SLC44A2: variants seen among roughly 807,000 people sequenced by gnomAD.
SLC44A2 encodes the protein solute carrier family 44 member 2 (CTL2 blood group), also known as choline transporter-like protein 2.
In SLC44A2, 57 loss-of-function variants were observed where a neutral mutation model predicts 90.8. That is an observed-to-expected ratio of 0.63 (90% CI 0.51 to 0.78). The LOEUF is 0.78. SLC44A2 is among the 30% of genes least tolerant of loss of function. SLC44A2 has a pLI of 0.00. For missense variants in SLC44A2, 794 were observed against 919.7 expected (o/e 0.86, Z 1.77); for synonymous variants, 355 against 360.7 (o/e 0.98, Z 0.18).
intron 21 of SLC44A2, chr19:10,642,809 C>G: frequency 6.9e-7 from 1 of 1,446,134 alleles, no homozygotes; most frequent in Admixed American, 2.5e-5. Context: ...TCCATGCCTG[C>G]TGGCTTCCCT....
At chr19:10,628,976 TTGGGAGGCTGAGG>T (rs1471673546) in intron 4 of SLC44A2, among the ~76,000 whole-genome samples, 1 of 151,212 alleles carries the variant, frequency 6.6e-6, no homozygotes, top group Non-Finnish European at 1.5e-5. Flanking sequence ...CCAGCACACT[TTGGGAGGCTGAGG>T]TGGGAGGATC....
In SLC44A2 at chr19:10,643,340, C is replaced by T; in HGVS notation, c.2076C>T (p.Leu692=). 6.2e-7 allele frequency: 1 copy of T among 1,613,014 alleles called. No individual in the cohort carries two copies. Among genetic ancestry groups the T allele is most frequent in the Non-Finnish European group, 8.5e-7 (1 of 1,179,420 alleles). Residue 692 remains leucine, a synonymous_variant, in exon 22 of 22, where the codon CTC becomes CTT. Transcript: ENST00000335757. Reference sequence around the variant, plus strand: ...GGCCTTACTTCATGTCTTCCACCCTCAAGAAACTCTTGAACAAGACCAACA... The same window carrying T: ...GGCCTTACTTCATGTCTTCCACCCTTAAGAAACTCTTGAACAAGACCAACA... The part of the protein sequence containing the change: ...AERPYFMSST[L]KKLLNKTNKK...
In SLC44A2 at chr19:10,636,357, C is replaced by T; in HGVS notation, c.1268C>T (p.Pro423Leu). ...FPSSNESRQC[P>L]NARCQFAFYG... is the part of the protein sequence containing the mutation. ...TCCTCCAATGAGTCCCGCCAATGCCCCAATGCCCGTTGCCAGTTCGCCTTC... is the reference window on the plus strand; with the variant it reads ...TCCTCCAATGAGTCCCGCCAATGCCTCAATGCCCGTTGCCAGTTCGCCTTC... The change falls in exon 15 of 22, where the codon CCC becomes CTC. Residue 423 changes from proline (P) to leucine (L), a missense_variant. Pro to Leu is a moderately conservative substitution (Grantham distance 98, BLOSUM62 -3). Coordinates refer to ENST00000335757, the MANE Select transcript of SLC44A2 (RefSeq NM_020428.4). 1 of 1,613,930 alleles carries T rather than the reference C, an allele frequency of 6.2e-7. No homozygotes were observed. Among genetic ancestry groups the T allele is most frequent in the Non-Finnish European group, 8.5e-7 (1 of 1,179,968 alleles).
chr19:10,618,636 C>T (rs566599032), intron 1 of SLC44A2, among the ~76,000 whole-genome samples: 8 of 151,798 alleles, frequency 5.3e-5, no homozygotes, highest in African/African-American at 9.7e-5. Flanking sequence ...TCTGCCACCA[C>T]GCCCGGCTAA....
chr19:10,632,545 A>G (rs1480807708), intron 10 of SLC44A2, among the ~76,000 whole-genome samples: 1 of 151,954 alleles, frequency 6.6e-6, no homozygotes, highest in African/African-American at 2.4e-5. Context: ...TCAAAAAAAA[A>G]AAAAAAAGAA....
intron 20 of SLC44A2, among the ~76,000 whole-genome samples, chr19:10,641,839 G>A (rs750201952): frequency 3.2e-4 from 48 of 150,510 alleles, no homozygotes; most frequent in Non-Finnish European, 6.1e-4. Flanking sequence ...GAGTGAGACC[G>A]TGAGACCCTG....
At chr19:10,625,451 G>A, upstream of SLC44A2, 1 of 1,214,434 alleles carries the variant, frequency 8.2e-7, no homozygotes, top group Non-Finnish European at 1.0e-6. Flanking sequence ...CGCCCTCCCG[G>A]GTCCCTTAGT....
At chr19:10,639,464 C>T (rs535474590) in intron 20 of SLC44A2, among the ~76,000 whole-genome samples, 1 of 152,096 alleles carries the variant, frequency 6.6e-6, no homozygotes, top group African/African-American at 2.4e-5. Context: ...TGGTGCCATG[C>T]AGGTGATGTT....
upstream of SLC44A2, chr19:10,625,523 C>A: frequency 8.2e-7 from 1 of 1,226,596 alleles, no homozygotes. Context: ...TGGCGCTGTG[C>A]TGGGAGGAGC....
upstream of SLC44A2, among the ~76,000 whole-genome samples, chr19:10,621,428 T>TTG (rs1568446169): frequency 7.0e-6 from 1 of 141,922 alleles, no homozygotes; most frequent in African/African-American, 2.6e-5. Context: ...GGGTGTTTTT[T>TTG]TTTTTTTTTT....
At chr19:10,621,934 G>T (rs2066897774), upstream of SLC44A2, among the ~76,000 whole-genome samples, 1 of 152,072 alleles carries the variant, frequency 6.6e-6, no homozygotes, top group South Asian at 2.1e-4. Context: ...GCTAATTTTT[G>T]TACTTTTAGT....
chr19:10,611,175 C>T (rs1398548360), intron 1 of SLC44A2, among the ~76,000 whole-genome samples: 4 of 151,822 alleles, frequency 2.6e-5, no homozygotes, highest in Non-Finnish European at 4.4e-5. Context: ...TTTTAGGCTG[C>T]GTGCAGTGCC....
In SLC44A2 at chr19:10,626,298, A is replaced by G; in HGVS notation, c.83A>G (p.Asn28Ser). ...YDPTFKGPIY[N>S]RGCTDIICCV... ...CCCACTTTCAAAGGACCCATTTACA[A>G]TAGGTAAGAGCTCTGGGTTTTGGGG... The change falls in exon 2 of 22, where the codon AAT becomes AGT. Residue 28 changes from asparagine to serine, a missense_variant. Asn to Ser is a conservative substitution (Grantham distance 46). Transcript: ENST00000335757. 2.5e-6 allele frequency: 4 copies of G among 1,611,716 alleles called. No individual in the cohort carries two copies. Among genetic ancestry groups the G allele is most frequent in the Non-Finnish European group, 3.4e-6 (4 of 1,177,794 alleles).
At chr19:10,626,442 T>C in intron 2 of SLC44A2, 141 bp downstream of exon 2, 1 of 685,676 alleles carries the variant, frequency 1.5e-6, no homozygotes, top group East Asian at 2.6e-5. Context: ...GGAGTCTTGC[T>C]CTGTCACCAG....
At chr19:10,609,161 T>C (rs1918208209) in intron 1 of SLC44A2, among the ~76,000 whole-genome samples, 1 of 152,066 alleles carries the variant, frequency 6.6e-6, no homozygotes, top group Non-Finnish European at 1.5e-5. Flanking sequence ...TTTCACCATA[T>C]TGGCCAGGCT....
At position 10,631,310 on chromosome 19, in the gene SLC44A2, G is replaced by A. The variant is rs762835831; in HGVS notation, c.366G>A (p.Thr122=). ...CVEKCPDRYL[T]YLNARSSRDF... ...AAAAATGCCCCGACCGCTACCTCAC[G>A]TACCTGAATGCTCGCAGCTCCCGGG... The change falls in exon 6 of 22, where the codon ACG becomes ACA. Residue 122 remains threonine, a synonymous_variant. Coordinates refer to ENST00000335757, the MANE Select transcript of SLC44A2 (RefSeq NM_020428.4). The A allele has an allele frequency of 5.0e-6, 8 of 1,613,974 alleles. No homozygotes were observed. The highest frequency in any genetic ancestry group is 1.6e-4 in the Middle Eastern group (1 of 6,084).
Position 10,631,892 on chromosome 19 carries a change from G to A in SLC44A2, c.651G>A (p.Ala217=), listed in dbSNP as rs148881490. The A allele has an allele frequency of 2.8e-5, 46 of 1,614,232 alleles. No homozygotes were observed. The highest frequency in any genetic ancestry group is 2.7e-4 in the South Asian group (25 of 91,090). The change falls in exon 9 of 22, where the codon GCG becomes GCA. Residue 217 remains alanine, a synonymous_variant. Coordinates refer to ENST00000335757, the MANE Select transcript of SLC44A2 (RefSeq NM_020428.4). ...GGAAAGCCAATGGAGTCCTAGAGGC[G>A]CGGCAACTCGCCATGCGCATATTTG... The part of the protein sequence containing the change: ...GAKKANGVLE[A]RQLAMRIFED...
rs773630712 is a variant in SLC44A2, at chr19:10,636,750, C to G, written c.1585C>G (p.Leu529Val). The G allele has an allele frequency of 2.2e-5, 36 of 1,613,322 alleles. No individual in the cohort carries two copies. In the East Asian group the frequency reaches 6.0e-4, roughly 27 times the overall value. ...GATACTCGAGTACCTGGATCAGCGG[C>G]TGAAAGGTACGTCCCACCCACGGTT... is the stretch of plus-strand genomic sequence containing the variant. Reference protein sequence around the residue: ...RVILEYLDQRLKAAENKFAKC... With the variant: ...RVILEYLDQRVKAAENKFAKC... Residue 529 changes from leucine (L) to valine (V), a missense_variant, in exon 16 of 22, where the codon CTG becomes GTG. By Grantham distance (32) the Leu-to-Val change is conservative. Coordinates refer to ENST00000335757, the MANE Select transcript of SLC44A2 (RefSeq NM_020428.4).
At chr19:10,639,548 C>G (rs2067094297) in intron 20 of SLC44A2, among the ~76,000 whole-genome samples, 1 of 151,872 alleles carries the variant, frequency 6.6e-6, no homozygotes. Flanking sequence ...TGGGAGTGTG[C>G]CAGGAAGCAG....
Sources: gnomAD v4.1 joint callset for allele counts (sites outside exome capture counted in the v4.1 genomes callset) on GRCh38, gnomAD v4.1.1 for gene constraint, MANE v1.5 for transcripts, NCBI Gene and HGNC (gene_info 2026-07-23, HGNC 2026-07-21) for gene names.